CSMD1: variants seen among roughly 807,000 people sequenced by gnomAD.
CSMD1 encodes the protein CUB and Sushi multiple domains 1, also known as CUB and sushi domain-containing protein 1.
Under a neutral mutation model 417.5 loss-of-function variants are expected in CSMD1, and 213 were observed. The ratio of observed to expected loss-of-function variants is 0.51; its 90% CI spans 0.46 to 0.57. The LOEUF (loss-of-function observed/expected upper bound fraction) is 0.57, where lower values mean the gene tolerates loss of function less well. Among genes scored for constraint, CSMD1 ranks in the 20% least tolerant of loss-of-function variants. CSMD1 has a pLI of 0.00. For missense variants in CSMD1, 6,923 were observed against 4,529.7 expected (o/e 1.53, Z -15.17); for synonymous variants, 2,862 against 1,736.8 (o/e 1.65, Z -16.11).
At chr8:4,576,182 G>A (rs1799127129) in intron 2 of CSMD1, among the ~76,000 whole-genome samples, 1 of 152,196 alleles carries the variant, frequency 6.6e-6, no homozygotes, top group Non-Finnish European at 1.5e-5. Context: ...GCACTAAGCT[G>A]TATCAGCTCT....
chr8:4,550,329 G>A (rs898428811), intron 2 of CSMD1, among the ~76,000 whole-genome samples: 3 of 139,618 alleles, frequency 2.1e-5, no homozygotes, highest in Non-Finnish European at 3.1e-5. Context: ...ATACACACAC[G>A]CACACACACA....
intron 5 of CSMD1, among the ~76,000 whole-genome samples, chr8:3,915,226 C>T (rs949708634): frequency 6.6e-5 from 10 of 151,784 alleles, no homozygotes; most frequent in African/African-American, 1.7e-4. Context: ...GCCAACATCA[C>T]GAAACTCTGC....
At chr8:4,707,411 C>G (rs1284142162) in intron 1 of CSMD1, among the ~76,000 whole-genome samples, 1 of 152,050 alleles carries the variant, frequency 6.6e-6, no homozygotes, top group Non-Finnish European at 1.5e-5. Flanking sequence ...GAAACAAAGA[C>G]AAGATGATCA....
intron 37 of CSMD1, among the ~76,000 whole-genome samples, chr8:3,167,520 T>C (rs1009039055): frequency 2.0e-5 from 3 of 152,210 alleles, no homozygotes; most frequent in South Asian, 2.1e-4. Context: ...GTGGGTCTTA[T>C]GTACTGTAGT....
In CSMD1 at chr8:4,243,992, G is replaced by A. The variant is rs200803003; in HGVS notation, c.415+175961C>T. ...AACGGGTTACAGTGGCAGAATTTCA[G>A]TCCCTGCCATGGAGTGGGAAGCTGC... is the stretch of plus-strand genomic sequence containing the variant. On this transcript the variant is annotated intron_variant, in intron 3 of 69. Transcript: ENST00000635120. 2.4e-4 allele frequency among the ~76,000 whole-genome samples: 37 copies of A among 152,304 alleles called. 1 individual carries two copies. The highest frequency in any genetic ancestry group is 9.8e-4 in the Admixed American group (15 of 15,296).
chr8:4,019,766 C>G (rs1314126339), intron 4 of CSMD1, among the ~76,000 whole-genome samples: 1 of 152,014 alleles, frequency 6.6e-6, no homozygotes, highest in African/African-American at 2.4e-5. Flanking sequence ...TATTTCTGTC[C>G]AAGTGGTGGT....
At chr8:4,858,020 A>T (rs1207791344) in intron 1 of CSMD1, among the ~76,000 whole-genome samples, 3 of 152,178 alleles carry the variant, frequency 2.0e-5, no homozygotes, top group Non-Finnish European at 4.4e-5. Context: ...CCTCAGTAAC[A>T]TACTGGCAAA....
intron 18 of CSMD1, among the ~76,000 whole-genome samples, chr8:3,386,543 T>G (rs925199855): frequency 6.6e-6 from 1 of 152,202 alleles, no homozygotes. Flanking sequence ...TTAAGCAGAA[T>G]TTTTCCATAA....
chr8:3,620,333 T>C (rs1254161006), intron 7 of CSMD1, among the ~76,000 whole-genome samples: 7 of 151,936 alleles, frequency 4.6e-5, no homozygotes, highest in Non-Finnish European at 7.4e-5. Flanking sequence ...TGAAGCCTCA[T>C]GAAAAGAAAA....
chr8:4,471,529 G>A (rs1012701133), intron 2 of CSMD1, among the ~76,000 whole-genome samples: 2 of 152,062 alleles, frequency 1.3e-5, no homozygotes, highest in African/African-American at 2.4e-5. Flanking sequence ...CGGCACTTCT[G>A]CTTAAGAATT....
At chr8:3,432,886 C>T (rs1814307762) in intron 12 of CSMD1, among the ~76,000 whole-genome samples, 1 of 152,058 alleles carries the variant, frequency 6.6e-6, no homozygotes, top group Admixed American at 6.6e-5. Flanking sequence ...CAGAGTAATG[C>T]CTAAACACAC....
chr8:4,295,081 ATCT>A (rs1359266383), intron 3 of CSMD1, among the ~76,000 whole-genome samples: 3 of 147,230 alleles, frequency 2.0e-5, no homozygotes, highest in African/African-American at 7.4e-5. Flanking sequence ...CACACATATA[ATCT>A]TAAGATTACA....
intron 5 of CSMD1, among the ~76,000 whole-genome samples, chr8:3,887,384 C>A (rs895275744): frequency 2.0e-5 from 3 of 152,104 alleles, no homozygotes; most frequent in African/African-American, 7.2e-5. Context: ...CCAGATGTAT[C>A]CAAGAACAAG....
intron 3 of CSMD1, among the ~76,000 whole-genome samples, chr8:4,266,634 C>A (rs1396225596): frequency 9.5e-6 from 1 of 104,968 alleles, no homozygotes; most frequent in African/African-American, 2.6e-5. Flanking sequence ...TGCAGTTGAA[C>A]ATTTTTATTT....
intron 41 of CSMD1, among the ~76,000 whole-genome samples, chr8:3,129,358 G>C (rs17390797): frequency 0.06 from 9,178 of 152,254 alleles, 402 homozygotes; most frequent in Non-Finnish European, 0.092. Flanking sequence ...GCTTTTTGCA[G>C]GTTTGCTTGT....
chr8:4,272,514 T>C (rs528289231), intron 3 of CSMD1, among the ~76,000 whole-genome samples: 7 of 152,306 alleles, frequency 4.6e-5, no homozygotes, highest in African/African-American at 1.7e-4. Context: ...AAAAAATACA[T>C]AGAAACCACA....
At chr8:4,352,642 A>G (rs1204133800) in intron 3 of CSMD1, among the ~76,000 whole-genome samples, 2 of 152,240 alleles carry the variant, frequency 1.3e-5, no homozygotes, top group Non-Finnish European at 2.9e-5. Context: ...GGAGCTTAAC[A>G]GCATACTATT....
At chr8:4,700,492 A>G (rs951140046) in intron 1 of CSMD1, among the ~76,000 whole-genome samples, 1 of 152,168 alleles carries the variant, frequency 6.6e-6, no homozygotes, top group Non-Finnish European at 1.5e-5. Flanking sequence ...TTAAAACTAT[A>G]AAACTATGCA....
At chr8:3,095,574 A>G (rs1426246421) in intron 47 of CSMD1, among the ~76,000 whole-genome samples, 2 of 152,172 alleles carry the variant, frequency 1.3e-5, no homozygotes, top group East Asian at 3.8e-4. Flanking sequence ...TGATTCAGTG[A>G]TGTCTATCCA....
Sources: allele counts gnomAD v4.1 joint callset (sites outside exome capture counted in the v4.1 genomes callset), GRCh38; gene constraint gnomAD v4.1.1; transcripts MANE v1.5; gene names NCBI Gene and HGNC (gene_info 2026-07-23, HGNC 2026-07-21).